The following MID1 variants were observed in gnomAD, a reference collection of about 807,000 sequenced individuals.
MID1 encodes midline 1.
MID1 carries 7 observed loss-of-function variants against 40.4 expected under a neutral mutation model. The ratio of observed to expected loss-of-function variants is 0.17; its 90% CI spans 0.10 to 0.33. The LOEUF (loss-of-function observed/expected upper bound fraction) is 0.33. MID1 is among the 10% of genes least tolerant of loss of function. The pLI is 1.00. For missense variants in MID1, 367 were observed against 558.5 expected, an observed-to-expected ratio of 0.66 and a Z score of 3.46; for synonymous variants, 229 against 221.2, an observed-to-expected ratio of 1.04 and a Z score of -0.31.
intron 7 of MID1, among the ~76,000 whole-genome samples, chrX:10,460,456 G>C (rs1309863099): frequency 9.0e-6 from 1 of 111,638 alleles, no homozygotes; most frequent in Non-Finnish European, 1.9e-5. Context: ...GAGTATTTAT[G>C]ATGCTTGGAA....
rs762320355 is a variant in MID1 at position 10,545,317 on chromosome X, C to G, written c.660+21571G>C. On this transcript the variant is annotated intron_variant, in intron 2 of 9. Coordinates refer to ENST00000317552, the MANE Select transcript of MID1 (RefSeq NM_000381.4). Reference sequence around the variant, plus strand: ...ACCTTGAGTTACTTCAGAATTTCAACAAGAAAAAATACCTGGATAGAAGTG... The same window carrying G: ...ACCTTGAGTTACTTCAGAATTTCAAGAAGAAAAAATACCTGGATAGAAGTG... Among the ~76,000 whole-genome samples, 4 of 111,910 alleles carry G rather than the reference C, an allele frequency of 3.6e-5. No homozygotes were observed. The East Asian group carries it at 1.1e-3, about 31-fold the overall frequency.
At chrX:10,483,321 A>G (rs764431124) in intron 4 of MID1, among the ~76,000 whole-genome samples, 33 of 111,993 alleles carry the variant, frequency 2.9e-4, no homozygotes, top group Non-Finnish European at 7.5e-5. Flanking sequence ...CTATTTTGAT[A>G]AGCATTTCCC....
At chrX:10,796,631 C>T (rs905174905) in intron 1 of MID1, among the ~76,000 whole-genome samples, 1 of 109,537 alleles carries the variant, frequency 9.1e-6, no homozygotes, top group Non-Finnish European at 1.9e-5. Context: ...CAAACTAGGC[C>T]TTGTTCAGGG....
intron 1 of MID1, among the ~76,000 whole-genome samples, chrX:10,726,118 G>A (rs974142465): frequency 9.0e-6 from 1 of 111,462 alleles, no homozygotes; most frequent in Non-Finnish European, 1.9e-5. Flanking sequence ...TAAATTATAC[G>A]TTCTGAGATT....
rs192780359 is a variant in MID1 at position 10,573,548 on chromosome X, A to G, written c.-56-5945T>C. On this transcript the variant is annotated intron_variant, in intron 1 of 9. Transcript: ENST00000317552. ...ATCTCCCACTAGGCCCCTCCTCCCA[A>G]TGCCACCACATTGGGGATTACATTT... Among the ~76,000 whole-genome samples, 498 of 112,032 alleles carry G rather than the reference A, an allele frequency of 4.4e-3. 3 individuals are homozygous for G. Among genetic ancestry groups the G allele is most frequent in the African/African-American group, 0.015 (470 of 30,822 alleles).
rs199553548 is a variant in MID1 at position 10,767,312 on chromosome X, A to ATTTCTTTC, written c.-187+66234_-187+66241dup. Among the ~76,000 whole-genome samples, 52 of 108,723 alleles carry ATTTCTTTC rather than the reference A, an allele frequency of 4.8e-4. No homozygotes were observed. In the East Asian group the frequency reaches 5.2e-3, roughly 11 times the overall value. 94.4% of individuals were successfully genotyped at this position (108,723 alleles called of 115,157 possible). A position where few individuals can be genotyped will look rare whatever the true frequency, so the allele number is the denominator to read the frequency against. ...AATGATTAAATGTATTAGCCTTTTG[A>ATTTCTTTC]TTTCTTTCTTTCTTTCTTTCTTTCT... On this transcript the variant is annotated intron_variant, in intron 1 of 10. Transcript: ENST00000380785.
chrX:10,827,702 C>T (rs2044225061), intron 1 of MID1, among the ~76,000 whole-genome samples: 1 of 111,367 alleles, frequency 9.0e-6, no homozygotes, highest in African/African-American at 3.3e-5. Flanking sequence ...ACTGCATTCT[C>T]TTGTAGGCCC....
chrX:10,600,729 T>A (rs747103003), intron 1 of MID1, among the ~76,000 whole-genome samples: 33 of 112,401 alleles, frequency 2.9e-4, no homozygotes, highest in Admixed American at 2.7e-3. Flanking sequence ...ACTTGCGTGT[T>A]GAAAAGCTTT....
chrX:10,811,786 A>G (rs1277436803), intron 1 of MID1, among the ~76,000 whole-genome samples: 1 of 111,891 alleles, frequency 8.9e-6, no homozygotes. Context: ...CTGATCTGTG[A>G]TGAAATTTCC....
chrX:10,695,546 C>T (rs1264156838), intron 1 of MID1, among the ~76,000 whole-genome samples: 1 of 112,256 alleles, frequency 8.9e-6, no homozygotes, highest in African/African-American at 3.2e-5. Flanking sequence ...CCCTAGCCCC[C>T]TGCCCACCAA....
intron 1 of MID1, among the ~76,000 whole-genome samples, chrX:10,596,006 G>A (rs1236788025): frequency 1.8e-5 from 2 of 111,571 alleles, no homozygotes; most frequent in Non-Finnish European, 3.8e-5. Context: ...GCAACATATT[G>A]CTGCTACAGC....
At chrX:10,477,854 G>A (rs1425826921) in intron 5 of MID1, among the ~76,000 whole-genome samples, 2 of 112,428 alleles carry the variant, frequency 1.8e-5, no homozygotes, top group Non-Finnish European at 3.8e-5. Context: ...AACACATTTG[G>A]CCTTGAAAAC....
At chrX:10,684,775 T>C (rs916553449) in intron 1 of MID1, among the ~76,000 whole-genome samples, 6 of 111,772 alleles carry the variant, frequency 5.4e-5, no homozygotes, top group African/African-American at 1.9e-4. Context: ...AAAATGTGCA[T>C]ATTATAAAAT....
chrX:10,720,037 T>A (rs1372680378), intron 1 of MID1, among the ~76,000 whole-genome samples: 2 of 111,738 alleles, frequency 1.8e-5, no homozygotes, highest in Non-Finnish European at 3.8e-5. Flanking sequence ...CACCTTATAC[T>A]AAAATTAATT....
intron 6 of MID1, among the ~76,000 whole-genome samples, chrX:10,472,618 C>T (rs761328291): frequency 1.8e-5 from 2 of 112,362 alleles, no homozygotes; most frequent in African/African-American, 3.2e-5. Context: ...GCCCACCAGA[C>T]ATAAGTGGAA....
At chrX:10,601,777 G>A (rs915376972) in intron 1 of MID1, among the ~76,000 whole-genome samples, 1 of 111,598 alleles carries the variant, frequency 9.0e-6, no homozygotes, top group African/African-American at 3.3e-5. Context: ...CCAATTATTG[G>A]GAATGGGGAA....
intron 1 of MID1, among the ~76,000 whole-genome samples, chrX:10,801,758 G>A (rs948389202): frequency 3.6e-5 from 4 of 111,848 alleles, no homozygotes; most frequent in Non-Finnish European, 5.6e-5. Context: ...ATAAGAAAAC[G>A]TAGGAAATAC....
intron 1 of MID1, among the ~76,000 whole-genome samples, chrX:10,687,393 T>G (rs1341981504): frequency 3.6e-5 from 4 of 112,132 alleles, no homozygotes; most frequent in Non-Finnish European, 5.6e-5. Context: ...CTCAAACAAC[T>G]GTATCGGCTT....
At chrX:10,622,322 G>A (rs1458952697), upstream of MID1, among the ~76,000 whole-genome samples, 2 of 111,443 alleles carry the variant, frequency 1.8e-5, no homozygotes, top group Non-Finnish European at 3.8e-5. Flanking sequence ...ACCTTCAGTA[G>A]AAGCTACAAC....
Sources: gnomAD v4.1 joint callset for allele counts (sites outside exome capture counted in the v4.1 genomes callset) on GRCh38, gnomAD v4.1.1 for gene constraint, MANE v1.5 for transcripts, NCBI Gene and HGNC (gene_info 2026-07-23, HGNC 2026-07-21) for gene names.